Variants in TTN observed in about 807,000 individuals in gnomAD.
TTN encodes titin.
A neutral mutation model predicts 3,223.0 loss-of-function variants in TTN; 1,525 were observed. The ratio of observed to expected loss-of-function variants is 0.47; its 90% CI spans 0.45 to 0.49. TTN has a LOEUF of 0.49. Ranked by LOEUF, TTN falls within the 20% of genes least tolerant of loss-of-function variation. The pLI, the probability that TTN is intolerant of heterozygous loss-of-function variation, is 0.00. For missense variants in TTN, 40,786 were observed against 43,424.0 expected (o/e 0.94, Z 5.40); for synonymous variants, 14,094 against 15,161.0 (o/e 0.93, Z 5.17).
In TTN at chr2:178,563,307, C is replaced by T. The variant is rs767367789; in HGVS notation, c.82825G>A (p.Val27609Ile). 2 of 1,613,636 alleles carry T rather than the reference C, an allele frequency of 1.2e-6. No individual in the cohort carries two copies. Among genetic ancestry groups the T allele is most frequent in the East Asian group, 4.5e-5 (2 of 44,784 alleles). Residue 27609 changes from valine (V) to isoleucine (I), a missense_variant, in exon 326 of 363, where the codon GTC (valine) becomes ATC (isoleucine). Transcript: ENST00000589042. This position sits in a 1 kb window ranked among gnomAD's most constrained non-coding sequence, Gnocchi z 4.5. ...GAPVKGYVVEVKEAAADEWTT... is the reference protein window; with the variant it reads ...GAPVKGYVVEIKEAAADEWTT... ...CATTCATCCGCAGCAGCTTCTTTGA[C>T]CTCTACAACATAGCCTTTAACAGGT...
chr2:178,803,291 A>G (rs1356113634), intron 2 of TTN, among the ~76,000 whole-genome samples: 2 of 152,170 alleles, frequency 1.3e-5, no homozygotes, highest in African/African-American at 4.8e-5. Flanking sequence ...TTATTTGCAT[A>G]TAGTTTGAAG....
intron 330 of TTN, chr2:178,556,555 G>A: frequency 2.6e-6 from 1 of 390,956 alleles, no homozygotes; most frequent in Non-Finnish European, 4.6e-6. Flanking sequence ...TATTGACTCT[G>A]ATAATTTAAA....
intron 140 of TTN, 56 bp downstream of exon 140, chr2:178,679,838 G>T: frequency 6.3e-7 from 1 of 1,598,918 alleles, no homozygotes. Flanking sequence ...GACCAAATCA[G>T]ACCCCCAAAC....
chr2:178,689,191 T>C (rs565562561), intron 124 of TTN, 55 bp from the exon 125 acceptor site: 7 of 1,589,800 alleles, frequency 4.4e-6, no homozygotes, highest in African/African-American at 4.1e-5. Context: ...TGAAGCCCAG[T>C]GCAAAACAAA....
In TTN at chr2:178,707,585, A is replaced by G; in HGVS notation, c.28982T>C (p.Val9661Ala). ...TCCAGCCACATTTGAAGCTTTACAC[A>G]CATAATCTCCCGAATCTGCTTTAGC... ...DVAKADSGDY[V>A]CKASNVAGSD... Residue 9661 changes from valine (V) to alanine (A), a missense_variant, in exon 100 of 363, where the codon GTG (valine) becomes GCG (alanine). Physicochemically the swap from Val to Ala is moderately conservative, Grantham distance 64. Coordinates refer to ENST00000589042, the MANE Select transcript of TTN (RefSeq NM_001267550.2). The G allele has an allele frequency of 6.2e-7, 1 of 1,613,894 alleles. No homozygotes were observed. The highest frequency in any genetic ancestry group is 1.1e-5 in the South Asian group (1 of 91,080).
At position 178,632,020 on chromosome 2, in the gene TTN, A is replaced by G. The variant is rs1435291823; in HGVS notation, c.43747+127T>C. On this transcript the variant is annotated intron_variant, in intron 236 of 362. Transcript: ENST00000589042. ...AGAAATAAGCCTGATTACATATGTG[A>G]TAGCTTCTTAAGGAGTTGGGCTGCT... The G allele has an allele frequency of 6.1e-6, 6 of 984,022 alleles. No individual in the cohort carries two copies. In the Admixed American group the frequency reaches 2.0e-4, roughly 32 times the overall value. The allele number at this position is 984,022 out of a possible 1,614,324, so 61.0% of individuals were successfully genotyped here. A position where few individuals can be genotyped will look rare whatever the true frequency, so the allele number is the denominator to read the frequency against.
chr2:178,669,817 C>T, intron 157 of TTN, 142 bp from the exon 158 acceptor site: 2 of 788,556 alleles, frequency 2.5e-6, no homozygotes, highest in South Asian at 3.4e-5. Context: ...GTAGTCATTG[C>T]ATTTCTCTGA....
In TTN at chr2:178,721,221, C is replaced by A; in HGVS notation, c.22817-19G>T. On this transcript the variant is annotated intron_variant, in intron 78 of 362. Coordinates refer to ENST00000589042, the MANE Select transcript of TTN (RefSeq NM_001267550.2). ...GGAGGTTCTAGTAAACCAAACAAAA[C>A]AGTCAGTAAGGGATATTTATTATAC... 1 of 1,559,088 alleles carries A rather than the reference C, an allele frequency of 6.4e-7. No homozygotes were observed. Among genetic ancestry groups the A allele is most frequent in the Non-Finnish European group, 8.7e-7 (1 of 1,150,970 alleles).
In TTN at chr2:178,741,120, G is replaced by C. The variant is rs758968807; in HGVS notation, c.12113C>G (p.Thr4038Ser). The stretch of plus-strand genomic sequence containing the variant: ...TGGTGTGGACTTTGCTTTGCAGGGG[G>C]TATCAGTCATGTCTGTGTCTTCCAG... ...VLLEDTDMTDTPCKAKSTPEA... is the reference protein window; with the variant it reads ...VLLEDTDMTDSPCKAKSTPEA... Residue 4038 changes from threonine to serine, a missense_variant, in exon 48 of 363, where the codon ACC (threonine) becomes AGC (serine). Coordinates refer to ENST00000589042, the MANE Select transcript of TTN (RefSeq NM_001267550.2). 5 of 1,613,690 alleles carry C rather than the reference G, an allele frequency of 3.1e-6. No individual in the cohort carries two copies. In the Admixed American group the frequency reaches 5.0e-5, roughly 16 times the overall value.
In TTN at chr2:178,588,543, G is replaced by A; in HGVS notation, c.63182C>T (p.Pro21061Leu). 2 of 1,523,666 alleles carry A rather than the reference G, an allele frequency of 1.3e-6. No individual in the cohort carries two copies. Among genetic ancestry groups the A allele is most frequent in the Non-Finnish European group, 1.8e-6 (2 of 1,139,728 alleles). The allele number at this position is 1,523,666 out of a possible 1,614,324, so 94.4% of individuals were successfully genotyped here. The change falls in exon 304 of 363, where the codon CCC becomes CTC. Residue 21061 changes from proline to leucine, a missense_variant. Transcript: ENST00000589042. ...AAAAAACAAGGACATCCTACCTATG[G>A]GGTCTTTTGCCACCACCGGTCTTGA... is the stretch of plus-strand genomic sequence containing the variant. ...LPSRPVVAKDPIEPPGPPTNF... is the reference protein window; with the variant it reads ...LPSRPVVAKDLIEPPGPPTNF...
chr2:178,747,659 T>C (rs1317906110), intron 47 of TTN: 1 of 1,613,258 alleles, frequency 6.2e-7, no homozygotes, highest in African/African-American at 1.3e-5. Flanking sequence ...AACCTCACGC[T>C]TTCCAGCAGC....
Position 178,712,460 on chromosome 2 carries a change from A to G in TTN, c.27462T>C (p.Pro9154=), listed in dbSNP as rs1182341728. The change falls in exon 95 of 363, where the codon CCT becomes CCC. Residue 9154 remains proline, a synonymous_variant. Coordinates refer to ENST00000589042, the MANE Select transcript of TTN (RefSeq NM_001267550.2). Reference sequence around the variant, plus strand: ...TCGTAGTTATATTACACCTCTGAGAAGGAGTTACATTTATGCCATTTTTCT... The same window carrying G: ...TCGTAGTTATATTACACCTCTGAGAGGGAGTTACATTTATGCCATTTTTCT... ...TWKKNGINVT[P]SQRCNITTTE... The G allele has an allele frequency of 3.7e-6, 6 of 1,613,798 alleles. No individual in the cohort carries two copies. The South Asian group carries it at 5.5e-5, about 15-fold the overall frequency.
intron 348 of TTN, 24 bp downstream of exon 348, chr2:178,542,638 T>C: frequency 1.2e-6 from 2 of 1,603,474 alleles, no homozygotes; most frequent in Non-Finnish European, 1.7e-6. Context: ...TCAACTTGCT[T>C]GTATCTTTGT....
rs781660295 is a variant in TTN, at chr2:178,544,055, G to A, written c.96089C>T (p.Ala32030Val). 1 of 1,613,500 alleles carries A rather than the reference G, an allele frequency of 6.2e-7. No homozygotes were observed. The highest frequency in any genetic ancestry group is 1.7e-5 in the Admixed American group (1 of 60,010). The change falls in exon 346 of 363, where the codon GCC (alanine) becomes GTC (valine). Residue 32030 changes from alanine to valine, a missense_variant. Ala to Val is a moderately conservative substitution (Grantham distance 64). Coordinates refer to ENST00000589042, the MANE Select transcript of TTN (RefSeq NM_001267550.2). ...LKKTVTIRAGASLRLMVSVSG... is the reference protein window; with the variant it reads ...LKKTVTIRAGVSLRLMVSVSG... Reference sequence around the variant, plus strand: ...TACAGACACCATCAAGCGCAAGGAGGCCCCAGCCCTGATGGTCACAGTCTT... The same window carrying A: ...TACAGACACCATCAAGCGCAAGGAGACCCCAGCCCTGATGGTCACAGTCTT...
rs1201430560 is a variant in TTN, at chr2:178,663,625, A to C, written c.36532+2T>G. 3 of 1,613,622 alleles carry C rather than the reference A, an allele frequency of 1.9e-6. No homozygotes were observed. Among genetic ancestry groups the C allele is most frequent in the Admixed American group, 3.3e-5 (2 of 59,946 alleles). ...CTGAAGCCTAAAATCAGTGACAAAT[A>C]CCTTTAACAGGTGGGACTTCAGGCT... On this transcript the variant is annotated splice_donor_variant, in intron 171 of 362. Coordinates refer to ENST00000589042, the MANE Select transcript of TTN (RefSeq NM_001267550.2). LOFTEE classifies it high-confidence loss of function.
chr2:178,625,352 C>A lies in TTN; in HGVS notation c.44469G>T (p.Arg14823Ser), dbSNP rs267599051. Residue 14823 changes from arginine (R) to serine (S), a missense_variant, in exon 241 of 363, where the codon AGG (arginine) becomes AGT (serine). Coordinates refer to ENST00000589042, the MANE Select transcript of TTN (RefSeq NM_001267550.2). ...SEGKVHTLTL[R>S]DVKLEDAGEV... ...CCCCAGCATCTTCTAACTTTACATCCCTCAGAGTAAGTGTATGAACTTTTC... is the reference window on the plus strand; with the variant it reads ...CCCCAGCATCTTCTAACTTTACATCACTCAGAGTAAGTGTATGAACTTTTC... 6.2e-7 allele frequency: 1 copy of A among 1,600,296 alleles called. No homozygotes were observed. Among genetic ancestry groups the A allele is most frequent in the Admixed American group, 1.7e-5 (1 of 57,700 alleles).
At position 178,534,473 on chromosome 2, in the gene TTN, C is replaced by T. The variant is rs778467259; in HGVS notation, c.102142G>A (p.Asp34048Asn). The T allele has an allele frequency of 1.2e-6, 2 of 1,613,612 alleles. No homozygotes were observed. The highest frequency in any genetic ancestry group is 4.5e-5 in the East Asian group (2 of 44,882). ...TTCACTAACAACCGGTCAACAAAAT[C>T]CATGGCTTCAATGCTAATCTCTTTG... ...AFKEISIEAMDFVDRLLVKER... is the reference protein window; with the variant it reads ...AFKEISIEAMNFVDRLLVKER... Residue 34048 changes from aspartate (D) to asparagine (N), a missense_variant, in exon 358 of 363, where the codon GAT becomes AAT. Transcript: ENST00000589042.
chr2:178,664,203 G>T, intron 168 of TTN, 105 bp from the exon 169 acceptor site: 2 of 1,148,254 alleles, frequency 1.7e-6, no homozygotes, highest in Non-Finnish European at 2.5e-6. Flanking sequence ...CCTGAGCTGA[G>T]ATCAGTGGTA....
chr2:178,780,267 T>C (rs1485791438), intron 21 of TTN, 62 bp from the exon 22 acceptor site: 2 of 1,435,420 alleles, frequency 1.4e-6, no homozygotes, highest in African/African-American at 2.8e-5. Context: ...CATACCACTA[T>C]GCATTCAGGT....
Sources: gnomAD v4.1 joint callset for allele counts (sites outside exome capture counted in the v4.1 genomes callset) on GRCh38, gnomAD v4.1.1 for gene constraint, Gnocchi (gnomAD v3.1) non-coding constraint, MANE v1.5 for transcripts, NCBI Gene and HGNC (gene_info 2026-07-23, HGNC 2026-07-21) for gene names.